The following ROBO1 variants were observed in gnomAD, a reference collection of about 807,000 sequenced individuals.
ROBO1 encodes the protein roundabout homolog 1.
ROBO1 carries 149 observed loss-of-function variants against 195.9 expected under a neutral mutation model. The observed-to-expected ratio is 0.76, with a 90% CI of 0.67 to 0.87. The LOEUF (loss-of-function observed/expected upper bound fraction) is 0.87, where lower values mean the gene tolerates loss of function less well. Ranked by LOEUF, ROBO1 falls within the 40% of genes least tolerant of loss-of-function variation. ROBO1 has a pLI of 0.00. For missense variants in ROBO1, 1,933 were observed against 2,068.3 expected (o/e 0.93, Z 1.27); for synonymous variants, 816 against 733.2 (o/e 1.11, Z -1.82).
intron 2 of ROBO1, among the ~76,000 whole-genome samples, chr3:79,215,569 A>G (rs1179353344): frequency 2.6e-5 from 4 of 152,182 alleles, no homozygotes; most frequent in Admixed American, 1.3e-4. Flanking sequence ...ATTCTCCAGG[A>G]CATCAAGGAT....
At chr3:78,662,682 C>T (rs1707496790) in intron 14 of ROBO1, among the ~76,000 whole-genome samples, 1 of 151,980 alleles carries the variant, frequency 6.6e-6, no homozygotes, top group African/African-American at 2.4e-5. Flanking sequence ...ATACAGATGC[C>T]AGCAAGGAAG....
intron 2 of ROBO1, among the ~76,000 whole-genome samples, chr3:79,209,392 G>T (rs2081930764): frequency 6.6e-6 from 1 of 152,128 alleles, no homozygotes; most frequent in Non-Finnish European, 1.5e-5. Context: ...TTCTTTGGTT[G>T]ATAGACATTT....
intron 4 of ROBO1, among the ~76,000 whole-genome samples, chr3:78,780,274 A>G (rs1376282054): frequency 6.6e-6 from 1 of 152,176 alleles, no homozygotes; most frequent in African/African-American, 2.4e-5. Context: ...CACATATGTT[A>G]GTCTTATTAA....
intron 2 of ROBO1, among the ~76,000 whole-genome samples, chr3:79,364,350 CATA>C (rs1022091241): frequency 1.3e-5 from 2 of 150,438 alleles, no homozygotes; most frequent in Non-Finnish European, 3.0e-5. Context: ...ATGTATTTAT[CATA>C]ATTCTATTAT....
chr3:78,760,136 C>A (rs537225970), intron 4 of ROBO1, among the ~76,000 whole-genome samples: 1 of 152,214 alleles, frequency 6.6e-6, no homozygotes, highest in African/African-American at 2.4e-5. Flanking sequence ...CTCCTCTTTT[C>A]CGCCGCTATG....
intron 10 of ROBO1, among the ~76,000 whole-genome samples, chr3:78,680,439 A>T (rs1277905332): frequency 6.6e-6 from 1 of 152,174 alleles, no homozygotes; most frequent in African/African-American, 2.4e-5. Context: ...CTCATCTGAC[A>T]AAGGGCTAAT....
intron 28 of ROBO1, among the ~76,000 whole-genome samples, 187 bp downstream of exon 28, chr3:78,614,460 GA>G (rs1703986135): frequency 6.6e-6 from 1 of 152,126 alleles, no homozygotes; most frequent in African/African-American, 2.4e-5. Flanking sequence ...AAGCTTATCA[GA>G]AAACTGCAAG....
At chr3:79,323,463 AATGTAT>A (rs748859657) in intron 2 of ROBO1, among the ~76,000 whole-genome samples, 18 of 152,156 alleles carry the variant, frequency 1.2e-4, no homozygotes, top group Admixed American at 3.3e-4. Flanking sequence ...TGATGAATTA[AATGTAT>A]CATTAGCTTA....
intron 19 of ROBO1, 58 bp from the exon 20 acceptor site, chr3:78,647,713 T>G: frequency 4.4e-5 from 57 of 1,294,552 alleles, no homozygotes; most frequent in Non-Finnish European, 5.7e-5. Flanking sequence ...AAAGGGAACA[T>G]ATCACATTAG....
chr3:79,698,418 A>T (rs1008793731), intron 1 of ROBO1, among the ~76,000 whole-genome samples: 4 of 151,538 alleles, frequency 2.6e-5, no homozygotes, highest in Non-Finnish European at 3.0e-5. Flanking sequence ...GTAAATGGAT[A>T]GATGAAGTAG....
rs114569926 is a variant in ROBO1, at chr3:78,630,002, C to T, written c.3626+1159G>A. Among the ~76,000 whole-genome samples the T allele has an allele frequency of 8.7e-3, 1,329 of 152,252 alleles. 23 individuals carry two copies. Among genetic ancestry groups the T allele is most frequent in the African/African-American group, 0.031 (1,269 of 41,542 alleles). On this transcript the variant is annotated intron_variant, in intron 25 of 30. Coordinates refer to ENST00000464233, the MANE Select transcript of ROBO1 (RefSeq NM_002941.4). ...TGATTTCCCTGCTTAAAATGGCCCT[C>T]AAAAGAAGTGCTGAAGGGCTTGTTA... is the stretch of plus-strand genomic sequence containing the variant.
At chr3:79,484,755 C>CTTTTTTTTT (rs1158213253) in intron 2 of ROBO1, among the ~76,000 whole-genome samples, 1,665 of 66,708 alleles carry the variant, frequency 0.025, 518 homozygotes, top group African/African-American at 0.089. Flanking sequence ...ATTGCACTAT[C>CTTTTTTTTT]TTTTTTTTTT....
chr3:79,289,435 T>C (rs1162778359), intron 2 of ROBO1, among the ~76,000 whole-genome samples: 1 of 152,138 alleles, frequency 6.6e-6, no homozygotes, highest in Non-Finnish European at 1.5e-5. Flanking sequence ...GCTCTGAGAA[T>C]TTCATTAGTG....
At chr3:79,767,058 TC>T (rs1353321539) in intron 1 of ROBO1, among the ~76,000 whole-genome samples, 1 of 152,034 alleles carries the variant, frequency 6.6e-6, no homozygotes, top group African/African-American at 2.4e-5. Flanking sequence ...TCAAGCAAAA[TC>T]CTGCAGGTTG....
At chr3:79,490,317 C>A (rs1575904991) in intron 2 of ROBO1, among the ~76,000 whole-genome samples, 2 of 152,310 alleles carry the variant, frequency 1.3e-5, no homozygotes, top group South Asian at 4.1e-4. Context: ...ATGGACTCAG[C>A]CCCTTTGTAT....
intron 9 of ROBO1, among the ~76,000 whole-genome samples, chr3:78,686,442 C>A (rs1170704398): frequency 6.6e-6 from 1 of 151,692 alleles, no homozygotes; most frequent in Non-Finnish European, 1.5e-5. Flanking sequence ...GTAGTCCCAG[C>A]TACTCGGGAG....
chr3:79,551,982 A>T (rs1449795594), intron 2 of ROBO1, among the ~76,000 whole-genome samples: 3 of 31,100 alleles, frequency 9.6e-5, no homozygotes, highest in African/African-American at 4.7e-4. Context: ...TACAGAGTTA[A>T]AAAAAAAAAA....
intron 4 of ROBO1, among the ~76,000 whole-genome samples, chr3:78,890,116 CAGTAT>C (rs1408637457): frequency 6.6e-6 from 1 of 152,062 alleles, no homozygotes; most frequent in African/African-American, 2.4e-5. Flanking sequence ...TTTCCCATTA[CAGTAT>C]AAGATTTGTA....
At chr3:79,569,283 A>T (rs1260644471) in intron 2 of ROBO1, among the ~76,000 whole-genome samples, 2 of 152,246 alleles carry the variant, frequency 1.3e-5, no homozygotes, top group Non-Finnish European at 2.9e-5. Flanking sequence ...AAATTGAGAA[A>T]GGTTGAAACT....
Sources: allele counts gnomAD v4.1 joint callset (sites outside exome capture counted in the v4.1 genomes callset), GRCh38; gene constraint gnomAD v4.1.1; transcripts MANE v1.5; gene names NCBI Gene and HGNC (gene_info 2026-07-23, HGNC 2026-07-21).